The following GRK3 variants were observed in gnomAD, a reference collection of about 807,000 sequenced individuals.
GRK3 encodes G protein-coupled receptor kinase 3.
GRK3 carries 54 observed loss-of-function variants against 95.7 expected under a neutral mutation model. The observed-to-expected ratio is 0.56, with a 90% CI of 0.45 to 0.71. GRK3 has a LOEUF of 0.71. GRK3 is among the 30% of genes least tolerant of loss of function. GRK3 has a pLI of 0.00. For missense variants in GRK3, 649 were observed against 851.2 expected (o/e 0.76, Z 2.96); for synonymous variants, 281 against 290.8 (o/e 0.97, Z 0.34).
intron 9 of GRK3, among the ~76,000 whole-genome samples, chr22:25,679,311 G>A (rs552265638): frequency 6.6e-6 from 1 of 152,248 alleles, no homozygotes; most frequent in African/African-American, 2.4e-5. Context: ...CGAGAGAAGC[G>A]ACTTGGATTA....
chr22:25,721,521 C>T (rs2085432322), intron 20 of GRK3, 124 bp downstream of exon 20: 1 of 607,898 alleles, frequency 1.6e-6, no homozygotes, highest in African/African-American at 2.0e-5. Context: ...TAAGAAAGCC[C>T]CAAGGTACAA....
chr22:25,671,128 C>G (rs958681370), intron 6 of GRK3, among the ~76,000 whole-genome samples: 38 of 151,512 alleles, frequency 2.5e-4, no homozygotes, highest in Non-Finnish European at 4.7e-4. Context: ...CTGAGGCGGG[C>G]GGATCACAAG....
chr22:25,648,658 C>T lies in GRK3; in HGVS notation c.264+3993C>T, dbSNP rs2084805178. The T allele has an allele frequency of 4.9e-6, 5 of 1,021,234 alleles. No individual in the cohort carries two copies. The South Asian group carries it at 6.4e-5, about 13-fold the overall frequency. The allele number at this position is 1,021,234 out of a possible 1,614,324, so 63.3% of individuals were successfully genotyped here. On this transcript the variant is annotated intron_variant, in intron 3 of 20. Transcript: ENST00000324198. Reference sequence around the variant, plus strand: ...ATTTACATTGTCACTGAATTGATGTCAAAAGGAAGCTTATTCAATTTCCTT... The same window carrying T: ...ATTTACATTGTCACTGAATTGATGTTAAAAGGAAGCTTATTCAATTTCCTT...
chr22:25,658,953 T>C (rs1013695302), intron 3 of GRK3, among the ~76,000 whole-genome samples: 1 of 152,128 alleles, frequency 6.6e-6, no homozygotes, highest in African/African-American at 2.4e-5. Flanking sequence ...TTTCTAGATA[T>C]TCAACTGAAA....
At chr22:25,701,781 A>G (rs746807660) in intron 13 of GRK3, among the ~76,000 whole-genome samples, 11 of 152,188 alleles carry the variant, frequency 7.2e-5, no homozygotes, top group Non-Finnish European at 1.5e-4. Flanking sequence ...ATTAAGGAAC[A>G]TCGTCGGGTG....
At chr22:25,638,338 G>A (rs2084718450) in intron 2 of GRK3, among the ~76,000 whole-genome samples, 1 of 152,166 alleles carries the variant, frequency 6.6e-6, no homozygotes, top group Non-Finnish European at 1.5e-5. Flanking sequence ...ATGATAAAGG[G>A]ACAAGAAGTG....
intron 2 of GRK3, among the ~76,000 whole-genome samples, chr22:25,639,310 T>A (rs1350360784): frequency 6.6e-6 from 1 of 152,224 alleles, no homozygotes; most frequent in Non-Finnish European, 1.5e-5. Context: ...AGAAGCATTA[T>A]AATTTTAGCC....
At position 25,703,583 on chromosome 22, in the gene GRK3, G is replaced by A. The variant is rs771981783; in HGVS notation, c.1227+7G>A. On this transcript the variant is annotated splice_region_variant and intron_variant, in intron 14 of 20. Coordinates refer to ENST00000324198, the MANE Select transcript of GRK3 (RefSeq NM_005160.4). ...CCGAATGACACTCACCGTGGTAAGG[G>A]GATTCAAAACTGTATTCTTGTCTGT... 6.2e-7 allele frequency: 1 copy of A among 1,605,678 alleles called. No homozygotes were observed. Among genetic ancestry groups the A allele is most frequent in the South Asian group, 1.1e-5 (1 of 90,714 alleles).
chr22:25,714,379 T>G (rs751396264), intron 17 of GRK3, 29 bp from the exon 18 acceptor site: 5 of 1,589,312 alleles, frequency 3.1e-6, no homozygotes, highest in Non-Finnish European at 4.3e-6. Context: ...TGTTAAATCA[T>G]AAATATCTTG....
intron 2 of GRK3, among the ~76,000 whole-genome samples, chr22:25,611,831 CTT>C (rs752711382): frequency 4.4e-4 from 52 of 118,762 alleles, no homozygotes; most frequent in Non-Finnish European, 8.0e-4. Flanking sequence ...AGTTTAGTGT[CTT>C]TTTTTTTTTT....
intron 17 of GRK3, among the ~76,000 whole-genome samples, chr22:25,711,786 T>C (rs1371372078): frequency 6.6e-6 from 1 of 152,182 alleles, no homozygotes; most frequent in East Asian, 1.9e-4. Context: ...CCCCAGGCTC[T>C]ACCCCCTGCC....
intron 12 of GRK3, among the ~76,000 whole-genome samples, chr22:25,692,703 G>C (rs535800433): frequency 6.6e-6 from 1 of 152,280 alleles, no homozygotes; most frequent in Admixed American, 6.5e-5. Flanking sequence ...CAATTTTTGT[G>C]GTATGGAAAT....
At chr22:25,720,571 C>T (rs1286925524) in intron 19 of GRK3, among the ~76,000 whole-genome samples, 1 of 147,242 alleles carries the variant, frequency 6.8e-6, no homozygotes, top group Admixed American at 6.9e-5. Flanking sequence ...CCACCTCCTG[C>T]GTTCAAGCGA....
intron 18 of GRK3, among the ~76,000 whole-genome samples, chr22:25,715,956 A>T (rs562034049): frequency 6.6e-6 from 1 of 152,242 alleles, no homozygotes; most frequent in African/African-American, 2.4e-5. Flanking sequence ...GTTTACCTCA[A>T]TTCTGCAGGG....
At chr22:25,714,348 G>T in intron 17 of GRK3, 60 bp from the exon 18 acceptor site, 1 of 1,472,568 alleles carries the variant, frequency 6.8e-7, no homozygotes, top group Non-Finnish European at 9.3e-7. Context: ...GTGGCGCCGC[G>T]GACTCTTACC....
chr22:25,599,389 A>G (rs1480749031), intron 1 of GRK3, among the ~76,000 whole-genome samples: 1 of 151,962 alleles, frequency 6.6e-6, no homozygotes, highest in African/African-American at 2.4e-5. Flanking sequence ...TCAGGAGATC[A>G]AGACCATCTT....
intron 1 of GRK3, among the ~76,000 whole-genome samples, chr22:25,577,678 G>A (rs917780064): frequency 1.3e-5 from 2 of 152,196 alleles, no homozygotes; most frequent in Non-Finnish European, 1.5e-5. Context: ...TGCACGTGGA[G>A]CTTTTCCTCG....
chr22:25,720,166 A>T (rs535991017), intron 19 of GRK3, among the ~76,000 whole-genome samples: 31 of 152,182 alleles, frequency 2.0e-4, no homozygotes, highest in Non-Finnish European at 3.4e-4. Flanking sequence ...TTAAAAGGAA[A>T]TCACCCCACT....
intron 2 of GRK3, among the ~76,000 whole-genome samples, chr22:25,621,841 G>T (rs1453722369): frequency 6.6e-6 from 1 of 152,126 alleles, no homozygotes; most frequent in Non-Finnish European, 1.5e-5. Context: ...GTTAGAAAGT[G>T]ACATTCTTTA....
Sources: allele counts gnomAD v4.1 joint callset (sites outside exome capture counted in the v4.1 genomes callset), GRCh38; gene constraint gnomAD v4.1.1; transcripts MANE v1.5; gene names NCBI Gene and HGNC (gene_info 2026-07-23, HGNC 2026-07-21).